The following POR variants were observed in gnomAD, a reference collection of about 807,000 sequenced individuals.
POR encodes the protein NADPH--cytochrome P450 reductase.
A neutral mutation model predicts 84.0 loss-of-function variants in POR; 56 were observed. That is an observed-to-expected ratio of 0.67 (90% CI 0.54 to 0.83). The LOEUF is 0.83. Among genes scored for constraint, POR ranks in the 40% least tolerant of loss-of-function variants. The pLI, the probability that POR is intolerant of heterozygous loss-of-function variation, is 0.00. For synonymous variants in POR, 414 were observed against 400.5 expected, an observed-to-expected ratio of 1.03 and a Z score of -0.40; for missense variants, 938 against 944.3, an observed-to-expected ratio of 0.99 and a Z score of 0.09.
intron 1 of POR, among the ~76,000 whole-genome samples, chr7:75,950,478 A>G (rs1787364497): frequency 6.6e-6 from 1 of 152,162 alleles, no homozygotes; most frequent in African/African-American, 2.4e-5. Flanking sequence ...GATGGATAAC[A>G]GCTAGACAGC....
At chr7:75,921,124 C>T (rs922499980) in intron 1 of POR, 15 of 152,318 alleles carry the variant, frequency 9.8e-5, no homozygotes, top group African/African-American at 3.4e-4. Flanking sequence ...TACCCGAAAC[C>T]TCCACAACAA....
intron 10 of POR, 138 bp from the exon 11 acceptor site, chr7:75,984,639 G>C (rs555696814): frequency 2.3e-5 from 17 of 754,430 alleles, no homozygotes; most frequent in Middle Eastern, 3.1e-4. Context: ...GCATCAGAGA[G>C]CATAGGCCTT....
At chr7:75,977,352 G>A (rs1554557000) in intron 3 of POR, among the ~76,000 whole-genome samples, 8 of 152,212 alleles carry the variant, frequency 5.3e-5, no homozygotes, top group Non-Finnish European at 1.2e-4. Flanking sequence ...GCCTGAAACT[G>A]TTGAGTTCAG....
intron 6 of POR, 104 bp downstream of exon 6, chr7:75,981,276 C>G: frequency 1.4e-6 from 2 of 1,427,926 alleles, no homozygotes; most frequent in Non-Finnish European, 1.8e-6. Flanking sequence ...CTCAGCGACA[C>G]GCACCTCCAA....
chr7:75,939,558 T>TTA (rs377109143), intron 1 of POR, among the ~76,000 whole-genome samples: 1 of 149,682 alleles, frequency 6.7e-6, no homozygotes, highest in South Asian at 2.1e-4. Flanking sequence ...TTTTTTTTTT[T>TTA]AAATACAGAA....
At chr7:75,979,768 G>A in intron 4 of POR, 189 bp downstream of exon 4, 1 of 741,794 alleles carries the variant, frequency 1.3e-6, no homozygotes, top group African/African-American at 1.8e-5. Context: ...GGCCATTCCT[G>A]CAGTTGCAGC....
chr7:75,916,544 C>A (rs115846035), intron 1 of POR, among the ~76,000 whole-genome samples: 65 of 152,178 alleles, frequency 4.3e-4, no homozygotes, highest in African/African-American at 1.5e-3. Context: ...GGTTTTTGAG[C>A]TACTTATGAC....
intron 13 of POR, 24 bp downstream of exon 13, chr7:75,985,873 A>G: frequency 1.3e-6 from 2 of 1,550,668 alleles, no homozygotes; most frequent in Non-Finnish European, 1.7e-6. Context: ...CATGGGGGAG[A>G]GGGGGTGACG....
intron 1 of POR, among the ~76,000 whole-genome samples, chr7:75,934,273 A>G (rs1344943132): frequency 2.0e-5 from 3 of 151,846 alleles, no homozygotes; most frequent in Admixed American, 1.3e-4. Flanking sequence ...TTGGGTTTGT[A>G]TAATTCCCTT....
intron 2 of POR, chr7:75,968,330 G>A: frequency 2.2e-6 from 1 of 463,528 alleles, no homozygotes. Flanking sequence ...ACTCAGCCAG[G>A]CCTAGGCACT....
At chr7:75,944,171 C>T (rs921945278) in intron 1 of POR, among the ~76,000 whole-genome samples, 10 of 152,084 alleles carry the variant, frequency 6.6e-5, no homozygotes, top group African/African-American at 9.7e-5. Context: ...GACTGAATCT[C>T]GCCTGACAGC....
intron 2 of POR, among the ~76,000 whole-genome samples, chr7:75,969,594 C>G (rs950795934): frequency 3.9e-5 from 6 of 152,228 alleles, no homozygotes; most frequent in Admixed American, 3.9e-4. Context: ...AGCAAATCTT[C>G]AGATCCACTT....
At chr7:75,969,736 G>T (rs1228894182) in intron 2 of POR, among the ~76,000 whole-genome samples, 1 of 152,158 alleles carries the variant, frequency 6.6e-6, no homozygotes, top group Non-Finnish European at 1.5e-5. Context: ...CTCTTAGTCC[G>T]CCCCTGCCAG....
rs760800155 is a variant in POR, at chr7:75,917,317, T to C, written c.-5+2138T>C. Among the ~76,000 whole-genome samples the C allele has an allele frequency of 4.6e-5, 7 of 151,924 alleles. No individual in the cohort carries two copies. The South Asian group carries it at 8.3e-4, about 18-fold the overall frequency. On this transcript the variant is annotated intron_variant, in intron 1 of 15. Transcript: ENST00000461988. ...TCTGGGGTTCAAGTGGTCCTCCTGC[T>C]TTGACCTCCTAAAGTGCTGAGATTA...
intron 1 of POR, among the ~76,000 whole-genome samples, chr7:75,925,715 G>C (rs58899610): frequency 5.3e-5 from 8 of 152,204 alleles, no homozygotes; most frequent in Non-Finnish European, 1.2e-4. Flanking sequence ...TGTTGGCCTA[G>C]GCCAGGGTGG....
intron 2 of POR, 66 bp from the exon 3 acceptor site, chr7:75,972,347 C>T (rs1295063319): frequency 9.2e-6 from 13 of 1,419,030 alleles, no homozygotes; most frequent in African/African-American, 5.6e-5. Flanking sequence ...AGGACACCCA[C>T]GTCCCGTGAC....
chr7:75,983,733 T>C lies in POR; in HGVS notation c.948-5T>C. The C allele has an allele frequency of 1.2e-6, 2 of 1,611,448 alleles. No homozygotes were observed. Among genetic ancestry groups the C allele is most frequent in the Non-Finnish European group, 1.7e-6 (2 of 1,178,886 alleles). ...GCCCCTCCCGAGCCTCACATCTCCC[T>C]CCAGGTATGAATCTGGGGACCACGT... On this transcript the variant is annotated splice_region_variant and splice_polypyrimidine_tract_variant and intron_variant, in intron 9 of 15. Coordinates refer to ENST00000461988, the MANE Select transcript of POR (RefSeq NM_000941.3).
intron 3 of POR, among the ~76,000 whole-genome samples, chr7:75,973,489 T>C (rs925305303): frequency 6.6e-6 from 1 of 151,850 alleles, no homozygotes; most frequent in Non-Finnish European, 1.5e-5. Flanking sequence ...AATTTTTTAA[T>C]TTATTCTTCA....
At chr7:75,919,795 C>A (rs943815742) in intron 1 of POR, among the ~76,000 whole-genome samples, 15 of 152,076 alleles carry the variant, frequency 9.9e-5, no homozygotes, top group African/African-American at 3.6e-4. Context: ...GTGGCTTGTG[C>A]AGCAAACTGT....
Sources: allele counts gnomAD v4.1 joint callset (sites outside exome capture counted in the v4.1 genomes callset), GRCh38; gene constraint gnomAD v4.1.1; transcripts MANE v1.5; gene names NCBI Gene and HGNC (gene_info 2026-07-23, HGNC 2026-07-21).